The following RBM14 variants were observed in gnomAD, a reference collection of about 807,000 sequenced individuals.
RBM14 encodes RNA-binding protein 14.
RBM14 carries 5 observed loss-of-function variants against 52.8 expected under a neutral mutation model. The observed-to-expected ratio is 0.09, with a 90% CI of 0.05 to 0.20. The LOEUF is 0.20. Ranked by LOEUF, RBM14 falls within the 10% of genes least tolerant of loss-of-function variation. The pLI is 1.00. For synonymous variants in RBM14, 411 were observed against 401.8 expected (o/e 1.02, Z -0.28); for missense variants, 780 against 926.6 (o/e 0.84, Z 2.05).
intron 1 of RBM14, chr11:66,618,345 C>T (rs1858942029): frequency 3.2e-6 from 2 of 618,150 alleles, no homozygotes; most frequent in Non-Finnish European, 2.9e-6. Flanking sequence ...ATTTATCCCA[C>T]CAAGATATTT....
chr11:66,626,350 G>T, intron 2 of RBM14, 111 bp from the exon 3 acceptor site: 1 of 1,087,328 alleles, frequency 9.2e-7, no homozygotes, highest in Non-Finnish European at 1.4e-6. Flanking sequence ...CCAATCTCTT[G>T]GAGACCACTG....
In RBM14 at chr11:66,624,769, C is replaced by G; in HGVS notation, c.893C>G (p.Ala298Gly). 2.5e-6 allele frequency: 4 copies of G among 1,614,150 alleles called. No homozygotes were observed. The highest frequency in any genetic ancestry group is 3.4e-6 in the Non-Finnish European group (4 of 1,179,996). The stretch of plus-strand genomic sequence containing the variant: ...GCTAGTCCTAGCTCCCAGTCTGCTG[C>G]AGCTTCTTCACTCGGCCCATATGGT... ...QLASPSSQSA[A>G]ASSLGPYGGA... is the part of the protein sequence containing the mutation. Residue 298 changes from alanine to glycine, a missense_variant, in exon 2 of 3, where the codon GCA becomes GGA. Ala to Gly is a moderately conservative substitution (Grantham distance 60). Around this residue, in one of 4 missense-constraint regions of RBM14, gnomAD observed 675 missense variants for 697.3 expected, o/e 0.97. Transcript: ENST00000310137. This position sits in a 1 kb window ranked among gnomAD's most constrained non-coding sequence, Gnocchi z 4.7.
rs778180332 is a variant in RBM14 at position 66,624,971 on chromosome 11, C to T, written c.1095C>T (p.Tyr365=). 13 of 1,613,808 alleles carry T rather than the reference C, an allele frequency of 8.1e-6. No homozygotes were observed. Among genetic ancestry groups the T allele is most frequent in the Middle Eastern group, 1.6e-4 (1 of 6,082 alleles). Residue 365 remains tyrosine, a synonymous_variant, in exon 2 of 3, where the codon TAC becomes TAT. Transcript: ENST00000310137. This position sits in a 1 kb window ranked among gnomAD's most constrained non-coding sequence, Gnocchi z 4.7. ...GGGTTCGTGCAGCTGCTTCTTCCTA[C>T]AACACCCAGGGAGCAGCTTCCTCCT... ...SYGVRAAASS[Y]NTQGAASSLG... is the part of the protein sequence containing the mutation.
In RBM14 at chr11:66,624,649, G is replaced by C. The variant is rs1937702660; in HGVS notation, c.773G>C (p.Gly258Ala). Reference protein sequence around the residue: ...AYRAQPSASLGVGYRTQPMTA... With the variant: ...AYRAQPSASLAVGYRTQPMTA... Reference sequence around the variant, plus strand: ...AGGGCCCAGCCTTCTGCCTCTTTGGGTGTTGGCTATCGGACTCAGCCCATG... The same window carrying C: ...AGGGCCCAGCCTTCTGCCTCTTTGGCTGTTGGCTATCGGACTCAGCCCATG... The change falls in exon 2 of 3, where the codon GGT becomes GCT. Residue 258 changes from glycine to alanine, a missense_variant. Physicochemically the swap from Gly to Ala is moderately conservative, Grantham distance 60. Around this residue, in one of 4 missense-constraint regions of RBM14, gnomAD observed 675 missense variants for 697.3 expected, o/e 0.97. Transcript: ENST00000310137. The surrounding 1 kb of genome is among the most constrained non-coding windows in gnomAD (Gnocchi z 4.7). 1 of 1,613,178 alleles carries C rather than the reference G, an allele frequency of 6.2e-7. No individual in the cohort carries two copies. Among genetic ancestry groups the C allele is most frequent in the Non-Finnish European group, 8.5e-7 (1 of 1,179,940 alleles).
chr11:66,618,029 TTTTC>T (rs1311824123), intron 1 of RBM14, among the ~76,000 whole-genome samples: 1 of 152,172 alleles, frequency 6.6e-6, no homozygotes, highest in Non-Finnish European at 1.5e-5. Context: ...TCCCGGTGCC[TTTTC>T]TTCGAGAAAA....
chr11:66,624,598 C>A lies in RBM14; in HGVS notation c.722C>A (p.Pro241Gln). The A allele has an allele frequency of 1.2e-6, 2 of 1,612,306 alleles. No homozygotes were observed. The highest frequency in any genetic ancestry group is 1.7e-6 in the Non-Finnish European group (2 of 1,179,998). Reference protein sequence around the residue: ...TAQPATYRAQPSVSLGAAYRA... With the variant: ...TAQPATYRAQQSVSLGAAYRA... ...CAGCCAGCTACCTACCGGGCCCAGC[C>A]GTCCGTGTCACTGGGAGCTGCCTAC... The change falls in exon 2 of 3, where the codon CCG becomes CAG. Residue 241 changes from proline to glutamine, a missense_variant. Pro to Gln is a moderately conservative substitution (Grantham distance 76). Transcript: ENST00000310137. The surrounding 1 kb of genome is among the most constrained non-coding windows in gnomAD (Gnocchi z 4.7).
In RBM14 at chr11:66,616,902, G is replaced by T; in HGVS notation, c.182G>T (p.Arg61Leu). The change falls in exon 1 of 3, where the codon CGG becomes CTG. Residue 61 changes from arginine to leucine, a missense_variant. Coordinates refer to ENST00000310137, the MANE Select transcript of RBM14 (RefSeq NM_006328.4). ...GAAGCCCTGCACGGCCACGAGCTGC[G>T]GCCGGGGCGCGCGCTCGTGGTGGAG... is the stretch of plus-strand genomic sequence containing the variant. ...AIEALHGHEL[R>L]PGRALVVEMS... The T allele has an allele frequency of 6.2e-7, 1 of 1,611,600 alleles. No homozygotes were observed. Among genetic ancestry groups the T allele is most frequent in the Non-Finnish European group, 8.5e-7 (1 of 1,179,052 alleles).
rs1171369990 is a variant in RBM14, at chr11:66,624,763, C to G, written c.887C>G (p.Ser296Cys). The G allele has an allele frequency of 6.2e-7, 1 of 1,614,104 alleles. No individual in the cohort carries two copies. The highest frequency in any genetic ancestry group is 1.7e-5 in the Admixed American group (1 of 60,022). Residue 296 changes from serine (S) to cysteine (C), a missense_variant, in exon 2 of 3, where the codon TCT becomes TGT. Coordinates refer to ENST00000310137, the MANE Select transcript of RBM14 (RefSeq NM_006328.4). This position sits in a 1 kb window ranked among gnomAD's most constrained non-coding sequence, Gnocchi z 4.7. ...RGQLASPSSQ[S>C]AAASSLGPYG... ...CAGCTGGCTAGTCCTAGCTCCCAGT[C>G]TGCTGCAGCTTCTTCACTCGGCCCA...
chr11:66,620,662 A>G (rs755754407), intron 1 of RBM14, among the ~76,000 whole-genome samples: 2 of 152,198 alleles, frequency 1.3e-5, no homozygotes, highest in Middle Eastern at 3.2e-3. Context: ...TGAATCATAC[A>G]TGTGAAATCT....
intron 1 of RBM14, among the ~76,000 whole-genome samples, chr11:66,618,059 T>A (rs1858923792): frequency 6.6e-6 from 1 of 152,174 alleles, no homozygotes; most frequent in South Asian, 2.1e-4. Context: ...TCACCATAAT[T>A]TAAGCCTGAC....
rs1937777121 is a variant in RBM14 at position 66,625,822 on chromosome 11, G to A, written c.1802+144G>A. On this transcript the variant is annotated intron_variant, in intron 2 of 2. Coordinates refer to ENST00000310137, the MANE Select transcript of RBM14 (RefSeq NM_006328.4). This position sits in a 1 kb window ranked among gnomAD's most constrained non-coding sequence, Gnocchi z 4.2. ...GTGGGATGTCCAGAGGCCGAGGGGAGCAGTGTCTATGAACTTTCCTGGTCA... is the reference window on the plus strand; with the variant it reads ...GTGGGATGTCCAGAGGCCGAGGGGAACAGTGTCTATGAACTTTCCTGGTCA... 8.8e-6 allele frequency: 6 copies of A among 680,956 alleles called. No individual in the cohort carries two copies. In the South Asian group the frequency reaches 9.9e-5, roughly 11 times the overall value. The allele number at this position is 680,956 out of a possible 1,614,324, so 42.2% of individuals were successfully genotyped here.
At position 66,625,847 on chromosome 11, in the gene RBM14, A is replaced by G; in HGVS notation, c.1802+169A>G. 1.6e-6 allele frequency: 1 copy of G among 616,498 alleles called. No individual in the cohort carries two copies. Among genetic ancestry groups the G allele is most frequent in the Non-Finnish European group, 2.8e-6 (1 of 359,280 alleles). The allele number at this position is 616,498 out of a possible 1,614,324, so 38.2% of individuals were successfully genotyped here. On this transcript the variant is annotated intron_variant, in intron 2 of 2. Coordinates refer to ENST00000310137, the MANE Select transcript of RBM14 (RefSeq NM_006328.4). The surrounding 1 kb of genome is among the most constrained non-coding windows in gnomAD (Gnocchi z 4.2). Reference sequence around the variant, plus strand: ...GCAGTGTCTATGAACTTTCCTGGTCACCAGGGTTCAGGTGGAGCATAGTGC... The same window carrying G: ...GCAGTGTCTATGAACTTTCCTGGTCGCCAGGGTTCAGGTGGAGCATAGTGC...
chr11:66,623,717 A>G (rs1937648126), intron 1 of RBM14, among the ~76,000 whole-genome samples: 2 of 152,316 alleles, frequency 1.3e-5, no homozygotes, highest in South Asian at 4.1e-4. Flanking sequence ...TCTTGCCTTA[A>G]TTGGACATGG....
Position 66,624,481 on chromosome 11 carries a change from C to G in RBM14, c.605C>G (p.Ala202Gly), listed in dbSNP as rs763304073. ...AGCACTGGTGGCTTTGATGGGCAAG[C>G]CCGTCAGCCCACACCACCCTTCTTT... ...GNSTGGFDGQ[A>G]RQPTPPFFGR... Residue 202 changes from alanine (A) to glycine (G), a missense_variant, in exon 2 of 3, where the codon GCC (alanine) becomes GGC (glycine). By Grantham distance (60) the Ala-to-Gly change is moderately conservative (BLOSUM62 0). Around this residue, in one of 4 missense-constraint regions of RBM14, gnomAD observed 675 missense variants for 697.3 expected, o/e 0.97. Coordinates refer to ENST00000310137, the MANE Select transcript of RBM14 (RefSeq NM_006328.4). This position sits in a 1 kb window ranked among gnomAD's most constrained non-coding sequence, Gnocchi z 4.7. The G allele has an allele frequency of 8.1e-6, 13 of 1,613,324 alleles. No individual in the cohort carries two copies. Among genetic ancestry groups the G allele is most frequent in the Non-Finnish European group, 1.1e-5 (13 of 1,179,338 alleles).
chr11:66,624,042 G>A lies in RBM14; in HGVS notation c.338-172G>A. The stretch of plus-strand genomic sequence containing the variant: ...CAAAGATGACTGCTTGGGACAGTCA[G>A]AAGCTTTGTTATATGGGAGCTACAT... On this transcript the variant is annotated intron_variant, in intron 1 of 2. Coordinates refer to ENST00000310137, the MANE Select transcript of RBM14 (RefSeq NM_006328.4). The surrounding 1 kb of genome is among the most constrained non-coding windows in gnomAD (Gnocchi z 4.7). 2.6e-6 allele frequency: 3 copies of A among 1,136,906 alleles called. No homozygotes were observed. The highest frequency in any genetic ancestry group is 3.9e-6 in the Non-Finnish European group (3 of 769,526). 70.4% of individuals were successfully genotyped at this position (1,136,906 alleles called of 1,614,324 possible).
rs1937730888 is a variant in RBM14 at position 66,625,171 on chromosome 11, A to G, written c.1295A>G (p.Tyr432Cys). The G allele has an allele frequency of 5.6e-6, 9 of 1,612,308 alleles. No individual in the cohort carries two copies. Among genetic ancestry groups the G allele is most frequent in the Non-Finnish European group, 7.6e-6 (9 of 1,179,926 alleles). ...AASYSSQPAA[Y>C]VAQPATAAAY... Reference sequence around the variant, plus strand: ...TCCTACTCTTCCCAACCTGCTGCCTATGTGGCACAGCCAGCCACAGCTGCT... The same window carrying G: ...TCCTACTCTTCCCAACCTGCTGCCTGTGTGGCACAGCCAGCCACAGCTGCT... The change falls in exon 2 of 3, where the codon TAT (tyrosine) becomes TGT (cysteine). Residue 432 changes from tyrosine to cysteine, a missense_variant. Around this residue, in one of 4 missense-constraint regions of RBM14, gnomAD observed 675 missense variants for 697.3 expected, o/e 0.97. Transcript: ENST00000310137. This position sits in a 1 kb window ranked among gnomAD's most constrained non-coding sequence, Gnocchi z 4.2.
intron 1 of RBM14, among the ~76,000 whole-genome samples, chr11:66,618,258 T>A (rs752893055): frequency 3.3e-5 from 5 of 152,180 alleles, no homozygotes; most frequent in Non-Finnish European, 7.3e-5. Context: ...GATGCCCTAC[T>A]CCTGGTGGGT....
rs917777954 is a variant in RBM14, at chr11:66,624,544, G to A, written c.668G>A (p.Arg223Gln). 2 of 1,613,042 alleles carry A rather than the reference G, an allele frequency of 1.2e-6. No homozygotes were observed. The highest frequency in any genetic ancestry group is 1.7e-6 in the Non-Finnish European group (2 of 1,179,994). ...DRSPLRRSPP[R>Q]ASYVAPLTAQ... ...AGCCCTCTGCGCCGTTCACCTCCCC[G>A]AGCCTCTTATGTGGCTCCTCTGACG... The change falls in exon 2 of 3, where the codon CGA (arginine) becomes CAA (glutamine). Residue 223 changes from arginine (R) to glutamine (Q), a missense_variant. Physicochemically the swap from Arg to Gln is conservative, Grantham distance 43. This residue lies in a region of RBM14 where 675 missense variants were observed against 697.3 expected (regional missense o/e 0.97). Coordinates refer to ENST00000310137, the MANE Select transcript of RBM14 (RefSeq NM_006328.4). The surrounding 1 kb of genome is among the most constrained non-coding windows in gnomAD (Gnocchi z 4.7).
intron 1 of RBM14, 83 bp downstream of exon 1, chr11:66,617,140 A>G (rs1858875443): frequency 1.3e-6 from 2 of 1,505,766 alleles, no homozygotes; most frequent in South Asian, 1.3e-5. Flanking sequence ...GGGGTCGGTC[A>G]CTGCGCGGTT....
Sources: gnomAD v4.1 joint callset for allele counts (sites outside exome capture counted in the v4.1 genomes callset) on GRCh38, gnomAD v4.1.1 for gene constraint, gnomAD v4.1.1 regional missense constraint, Gnocchi (gnomAD v3.1) non-coding constraint, MANE v1.5 for transcripts, NCBI Gene and HGNC (gene_info 2026-07-23, HGNC 2026-07-21) for gene names.